The following EPM2A variants were observed in gnomAD, a reference collection of about 807,000 sequenced individuals.
EPM2A encodes the protein EPM2A glucan phosphatase, laforin.
EPM2A carries 21 observed loss-of-function variants against 26.5 expected under a neutral mutation model. The observed-to-expected ratio is 0.79, with a 90% CI of 0.56 to 1.14. The LOEUF is 1.14. EPM2A is among the 50% of genes most tolerant of loss of function. EPM2A has a pLI of 0.00. For missense variants in EPM2A, 458 were observed against 440.8 expected, an observed-to-expected ratio of 1.04 and a Z score of -0.35; for synonymous variants, 217 against 177.6, an observed-to-expected ratio of 1.22 and a Z score of -1.76.
At chr6:145,490,443 T>C in intron 4 of EPM2A, 1 of 740,102 alleles carries the variant, frequency 1.4e-6, no homozygotes, top group Non-Finnish European at 2.5e-6. Flanking sequence ...AATTTGGACA[T>C]TCAAAAGGTT....
downstream of EPM2A, among the ~76,000 whole-genome samples, chr6:145,623,722 G>C (rs1775685681): frequency 6.6e-6 from 1 of 152,184 alleles, no homozygotes; most frequent in Admixed American, 6.5e-5. Flanking sequence ...AGAGGAAGGG[G>C]CTGGGAGGGA....
chr6:145,580,891 T>C (rs1234544549), intron 2 of EPM2A, among the ~76,000 whole-genome samples: 1 of 152,218 alleles, frequency 6.6e-6, no homozygotes, highest in Non-Finnish European at 1.5e-5. Context: ...CATGTATCTG[T>C]ACCATATTTT....
At chr6:145,681,438 T>C (rs555243598) in intron 2 of EPM2A, among the ~76,000 whole-genome samples, 5 of 150,270 alleles carry the variant, frequency 3.3e-5, no homozygotes, top group African/African-American at 1.2e-4. Context: ...TGCCATTGCT[T>C]TTGGTGTTTT....
chr6:145,393,616 C>G (rs1778366045), intron 4 of EPM2A, among the ~76,000 whole-genome samples: 1 of 151,968 alleles, frequency 6.6e-6, no homozygotes, highest in African/African-American at 2.4e-5. Context: ...ATCAAACGGT[C>G]TGAACTCAAA....
intron 2 of EPM2A, among the ~76,000 whole-genome samples, chr6:145,655,724 T>G (rs1404255313): frequency 6.6e-6 from 1 of 152,094 alleles, no homozygotes; most frequent in East Asian, 1.9e-4. Context: ...ATTTTGTGTG[T>G]TTTTTTCTAT....
At chr6:145,735,096 CGCCGCCGGG>C in intron 1 of EPM2A, 93 bp downstream of exon 1, 3 of 782,442 alleles carry the variant, frequency 3.8e-6, no homozygotes, top group Non-Finnish European at 5.4e-6. Context: ...CCGGGACGCG[CGCCGCCGGG>C]GCCTGCGGGG....
intron 4 of EPM2A, among the ~76,000 whole-genome samples, chr6:145,482,240 G>A (rs1051932430): frequency 1.3e-5 from 2 of 152,174 alleles, no homozygotes; most frequent in African/African-American, 4.8e-5. Context: ...TATATCGTTA[G>A]TTAACAGAAT....
chr6:145,698,415 C>T (rs1195840883), intron 1 of EPM2A, among the ~76,000 whole-genome samples: 3 of 152,112 alleles, frequency 2.0e-5, no homozygotes, highest in Non-Finnish European at 2.9e-5. Context: ...TCTGCCAAGC[C>T]TCCAGTGGGG....
At position 145,627,301 on chromosome 6, in the gene EPM2A, G is replaced by T. The variant is rs567929446; in HGVS notation, c.*115C>A. Reference sequence around the variant, plus strand: ...ATCCCAGGTGAAAGTGGTTGGCTTGGGGGAGGTCACACAGTCCTTTCAGTT... The same window carrying T: ...ATCCCAGGTGAAAGTGGTTGGCTTGTGGGAGGTCACACAGTCCTTTCAGTT... On this transcript the variant is annotated 3_prime_UTR_variant, in exon 4 of 4. Coordinates refer to ENST00000367519, the MANE Select transcript of EPM2A (RefSeq NM_005670.4). The T allele has an allele frequency of 1.1e-4, 174 of 1,586,984 alleles. No homozygotes were observed. In the South Asian group the frequency reaches 1.9e-3, roughly 17 times the overall value.
intron 2 of EPM2A, among the ~76,000 whole-genome samples, chr6:145,559,672 CTTTTTTT>C (rs201917957): frequency 1.4e-5 from 2 of 138,726 alleles, no homozygotes; most frequent in Admixed American, 7.2e-5. Context: ...ATACTTTCTC[CTTTTTTT>C]TTTTTTTTTT....
chr6:145,629,959 T>A (rs1017692053), intron 3 of EPM2A: 1 of 152,258 alleles, frequency 6.6e-6, no homozygotes, highest in Admixed American at 6.5e-5. Context: ...CTGGTCCCAG[T>A]CAAGATCCCT....
intron 1 of EPM2A, among the ~76,000 whole-genome samples, chr6:145,699,587 G>C (rs1422335593): frequency 6.6e-6 from 1 of 152,166 alleles, no homozygotes; most frequent in African/African-American, 2.4e-5. Flanking sequence ...ATGACAAAGA[G>C]TACAAGAATG....
chr6:145,509,838 T>A (rs1404819371), intron 2 of EPM2A, among the ~76,000 whole-genome samples: 2 of 152,052 alleles, frequency 1.3e-5, no homozygotes, highest in Non-Finnish European at 2.9e-5. Context: ...TTTTAAGAGA[T>A]CTATCTCACA....
chr6:145,633,319 T>C (rs1776406240), intron 3 of EPM2A, among the ~76,000 whole-genome samples: 2 of 152,206 alleles, frequency 1.3e-5, no homozygotes, highest in African/African-American at 4.8e-5. Flanking sequence ...CTTCAAATCC[T>C]AACTATCTTC....
Position 145,532,320 on chromosome 6 carries a change from G to T in EPM2A, c.341-29745C>A, listed in dbSNP as rs115436282. On this transcript the variant is annotated intron_variant, in intron 2 of 3. Coordinates refer to the EPM2A transcript ENST00000450221. ...ACAAATCTTCTTGAAAGGCTGGAAG[G>T]TTTTTGCAAAAGTCTCAGGATAGGG... Among the ~76,000 whole-genome samples the T allele has an allele frequency of 5.0e-3, 760 of 152,258 alleles. 4 individuals carry two copies. The highest frequency in any genetic ancestry group is 0.018 in the African/African-American group (740 of 41,564).
At chr6:145,717,166 A>G (rs1292223922) in intron 1 of EPM2A, among the ~76,000 whole-genome samples, 1 of 152,184 alleles carries the variant, frequency 6.6e-6, no homozygotes, top group Non-Finnish European at 1.5e-5. Flanking sequence ...CACAACCAAA[A>G]AAGAGAATTT....
At chr6:145,698,102 C>A (rs1781712316) in intron 1 of EPM2A, among the ~76,000 whole-genome samples, 2 of 152,176 alleles carry the variant, frequency 1.3e-5, no homozygotes, top group African/African-American at 4.8e-5. Context: ...TCCATGAAAT[C>A]TTCACAATCC....
intron 2 of EPM2A, among the ~76,000 whole-genome samples, chr6:145,617,532 C>T (rs1162959177): frequency 6.6e-6 from 1 of 152,118 alleles, no homozygotes; most frequent in Non-Finnish European, 1.5e-5. Flanking sequence ...AAATAAGGCA[C>T]AAAATGAAGA....
intron 2 of EPM2A, among the ~76,000 whole-genome samples, chr6:145,552,674 G>A (rs1780671961): frequency 6.6e-6 from 1 of 152,054 alleles, no homozygotes; most frequent in Non-Finnish European, 1.5e-5. Flanking sequence ...GCAAAAGTAA[G>A]AACCACTGAC....
Sources: gnomAD v4.1 joint callset for allele counts (sites outside exome capture counted in the v4.1 genomes callset) on GRCh38, gnomAD v4.1.1 for gene constraint, MANE v1.5 for transcripts, NCBI Gene and HGNC (gene_info 2026-07-23, HGNC 2026-07-21) for gene names.